FNDC3A: variants seen among roughly 807,000 people sequenced by gnomAD.
The protein encoded by FNDC3A is fibronectin type-III domain-containing protein 3A.
A neutral mutation model predicts 148.9 loss-of-function variants in FNDC3A; 32 were observed. That is an observed-to-expected ratio of 0.21 (90% confidence interval 0.16 to 0.29). The LOEUF (loss-of-function observed/expected upper bound fraction) is 0.29, where lower values mean the gene tolerates loss of function less well. Ranked by LOEUF, FNDC3A falls within the 10% of genes least tolerant of loss-of-function variation. The pLI, the probability that FNDC3A is intolerant of heterozygous loss-of-function variation, is 1.00. For missense variants in FNDC3A, 1,191 were observed against 1,452.8 expected, an observed-to-expected ratio of 0.82 and a Z score of 2.93; for synonymous variants, 472 against 473.6, an observed-to-expected ratio of 1.00 and a Z score of 0.04.
intron 1 of FNDC3A, among the ~76,000 whole-genome samples, chr13:48,998,871 TA>T (rs1952073197): frequency 6.6e-6 from 1 of 152,174 alleles, no homozygotes; most frequent in African/African-American, 2.4e-5. Flanking sequence ...GACTGAATTA[TA>T]TTAGAAACAC....
intron 2 of FNDC3A, among the ~76,000 whole-genome samples, chr13:49,055,515 A>G (rs559791478): frequency 1.9e-3 from 288 of 152,236 alleles, no homozygotes; most frequent in African/African-American, 6.7e-3. Flanking sequence ...CTTAAATTTG[A>G]TAAGAAACAT....
chr13:49,053,510 T>C (rs1256671951), intron 2 of FNDC3A, among the ~76,000 whole-genome samples: 1 of 152,098 alleles, frequency 6.6e-6, no homozygotes, highest in Non-Finnish European at 1.5e-5. Flanking sequence ...TAGGGAGACA[T>C]GAGACATCAG....
At chr13:49,069,881 C>T (rs1877531130) in intron 2 of FNDC3A, among the ~76,000 whole-genome samples, 1 of 151,922 alleles carries the variant, frequency 6.6e-6, no homozygotes, top group African/African-American at 2.4e-5. Context: ...GTGAGATAGG[C>T]CAGAATAGTA....
chr13:49,132,487 C>T (rs868114023), intron 5 of FNDC3A, among the ~76,000 whole-genome samples: 2 of 152,194 alleles, frequency 1.3e-5, no homozygotes, highest in Non-Finnish European at 2.9e-5. Flanking sequence ...TCCCTGGCCT[C>T]TACTCACTAA....
At chr13:49,130,067 G>A (rs1881936219) in intron 4 of FNDC3A, among the ~76,000 whole-genome samples, 1 of 151,956 alleles carries the variant, frequency 6.6e-6, no homozygotes, top group African/African-American at 2.4e-5. Flanking sequence ...AAAAGAATAA[G>A]GGCCTTATTT....
At chr13:49,133,214 C>T (rs910717613) in intron 5 of FNDC3A, among the ~76,000 whole-genome samples, 6 of 152,180 alleles carry the variant, frequency 3.9e-5, no homozygotes, top group Admixed American at 6.5e-5. Flanking sequence ...CTCCAAGGAA[C>T]ATACTTTTGA....
At chr13:49,073,865 C>T (rs1421752634) in intron 2 of FNDC3A, among the ~76,000 whole-genome samples, 4 of 144,030 alleles carry the variant, frequency 2.8e-5, no homozygotes, top group Non-Finnish European at 6.0e-5. Context: ...CACACACATA[C>T]ATATATACAT....
At chr13:49,000,113 C>T (rs1274111273) in intron 1 of FNDC3A, among the ~76,000 whole-genome samples, 1 of 152,058 alleles carries the variant, frequency 6.6e-6, no homozygotes, top group Non-Finnish European at 1.5e-5. Context: ...CTGTTTTTGC[C>T]TTTGTTATGT....
At chr13:49,103,572 C>T (rs1879988433) in intron 3 of FNDC3A, among the ~76,000 whole-genome samples, 1 of 152,154 alleles carries the variant, frequency 6.6e-6, no homozygotes. Context: ...TTGCTAGGGA[C>T]TGGGGGCAAG....
Position 49,209,174 on chromosome 13 carries a change from A to C in FNDC3A, c.*1779A>C, listed in dbSNP as rs1007938676. On this transcript the variant is annotated 3_prime_UTR_variant, in exon 26 of 26. Coordinates refer to ENST00000492622, the MANE Select transcript of FNDC3A (RefSeq NM_001079673.2). ...TTTAAAGTGCCACATTTGGCAGTAC[A>C]AATGAGTCTGAGTGTAATAGCCCAG... 1 of 152,650 alleles carries C rather than the reference A, an allele frequency of 6.6e-6. No homozygotes were observed. Among genetic ancestry groups the C allele is most frequent in the Non-Finnish European group, 1.5e-5 (1 of 68,040 alleles). 9.5% of individuals were successfully genotyped at this position (152,650 alleles called of 1,614,324 possible). A position where few individuals can be genotyped will look rare whatever the true frequency, so the allele number is the denominator to read the frequency against.
chr13:49,209,534 CTA>C lies in FNDC3A; in HGVS notation c.*2141_*2142del, dbSNP rs1886802288. 6.6e-6 allele frequency: 1 copy of C among 152,512 alleles called. No individual in the cohort carries two copies. The highest frequency in any genetic ancestry group is 1.9e-4 in the East Asian group (1 of 5,194). 9.4% of individuals were successfully genotyped at this position (152,512 alleles called of 1,614,324 possible). On this transcript the variant is annotated 3_prime_UTR_variant, in exon 26 of 26. Coordinates refer to ENST00000492622, the MANE Select transcript of FNDC3A (RefSeq NM_001079673.2). ...AAAAAATCTCATAAAAATACATAAA[CTA>C]TGTAGCAAAAGTATCTGTAAAATCC...
chr13:49,064,901 C>T (rs1566227067), intron 2 of FNDC3A, among the ~76,000 whole-genome samples: 2 of 152,156 alleles, frequency 1.3e-5, no homozygotes, highest in Admixed American at 6.5e-5. Flanking sequence ...CTTATAGTCC[C>T]TGGAGACCTT....
At chr13:49,030,254 A>C (rs994177734) in intron 2 of FNDC3A, among the ~76,000 whole-genome samples, 1 of 152,232 alleles carries the variant, frequency 6.6e-6, no homozygotes, top group African/African-American at 2.4e-5. Context: ...ACATAGAACA[A>C]TCATTGTAAT....
intron 11 of FNDC3A, among the ~76,000 whole-genome samples, chr13:49,173,315 G>C (rs989378722): frequency 1.7e-4 from 26 of 152,316 alleles, no homozygotes; most frequent in Admixed American, 1.4e-3. Flanking sequence ...GAAATTCTAA[G>C]ATAATTTAGA....
Position 49,038,308 on chromosome 13 carries a change from G to A in FNDC3A, c.99+32019G>A, listed in dbSNP as rs538002003. Among the ~76,000 whole-genome samples the A allele has an allele frequency of 6.2e-4, 95 of 152,260 alleles. 1 individual carries two copies. The Middle Eastern group carries it at 0.014, about 22-fold the overall frequency. ...CCACAGGTATCCAGGCTTGAGGGTG[G>A]GGCCTTTGCCAAGGAACTGCCCTCT... On this transcript the variant is annotated intron_variant, in intron 2 of 25. Coordinates refer to ENST00000492622, the MANE Select transcript of FNDC3A (RefSeq NM_001079673.2).
chr13:49,125,210 T>G (rs1348225146), intron 4 of FNDC3A, among the ~76,000 whole-genome samples: 6 of 152,208 alleles, frequency 3.9e-5, no homozygotes, highest in Admixed American at 3.9e-4. Context: ...CAAATCAATC[T>G]GATCTCAGAC....
intron 2 of FNDC3A, among the ~76,000 whole-genome samples, chr13:49,012,979 G>C (rs965933637): frequency 3.3e-5 from 5 of 151,996 alleles, no homozygotes; most frequent in Non-Finnish European, 5.9e-5. Context: ...ATATTATTAA[G>C]CATGATGTTT....
chr13:49,034,194 C>CA (rs1874333015), intron 2 of FNDC3A, among the ~76,000 whole-genome samples: 1 of 151,676 alleles, frequency 6.6e-6, no homozygotes, highest in Non-Finnish European at 1.5e-5. Context: ...ATGATCAGTC[C>CA]AGCTGCACTC....
chr13:49,072,356 A>G (rs1319453315), intron 2 of FNDC3A, among the ~76,000 whole-genome samples: 1 of 152,156 alleles, frequency 6.6e-6, no homozygotes, highest in Non-Finnish European at 1.5e-5. Flanking sequence ...AGGTGAAAAG[A>G]TAGAAAAAAG....
Sources: gnomAD v4.1 joint callset for allele counts (sites outside exome capture counted in the v4.1 genomes callset) on GRCh38, gnomAD v4.1.1 for gene constraint, MANE v1.5 for transcripts, NCBI Gene and HGNC (gene_info 2026-07-23, HGNC 2026-07-21) for gene names.